MRPS7: variants seen among roughly 807,000 people sequenced by gnomAD.
The protein encoded by MRPS7 is small ribosomal subunit protein uS7m.
MRPS7 carries 13 observed loss-of-function variants against 26.2 expected under a neutral mutation model. That is an observed-to-expected ratio of 0.50 (90% CI 0.32 to 0.79). MRPS7 has a LOEUF of 0.79. Among genes scored for constraint, MRPS7 ranks in the 30% least tolerant of loss-of-function variants. The probability of loss-of-function intolerance (pLI) is 0.03; values close to 1 mark genes in which losing one functional copy is unlikely to be tolerated. For synonymous variants in MRPS7, 129 were observed against 113.3 expected (o/e 1.14, Z -0.88); for missense variants, 318 against 312.2 (o/e 1.02, Z -0.14).
rs1478310288 is a variant in MRPS7 at position 75,262,670 on chromosome 17, T to C, written c.257T>C (p.Phe86Ser). ...AAPAGKTSSVFEDPVISKFTN... is the reference protein window; with the variant it reads ...AAPAGKTSSVSEDPVISKFTN... ...CCAGCAGGGAAAACAAGTTCTGTGT[T>C]TGAAGACCCAGTCATCAGGTTAGAT... Residue 86 changes from phenylalanine (F) to serine (S), a missense_variant, in exon 2 of 5, where the codon TTT becomes TCT. Phe to Ser is a radical substitution (Grantham distance 155, BLOSUM62 -2). Coordinates refer to ENST00000245539, the MANE Select transcript of MRPS7 (RefSeq NM_015971.4). The C allele has an allele frequency of 6.2e-7, 1 of 1,614,180 alleles. No individual in the cohort carries two copies. Among genetic ancestry groups the C allele is most frequent in the South Asian group, 1.1e-5 (1 of 91,082 alleles).
At chr17:75,264,477 A>G (rs2077455687) in intron 4 of MRPS7, 1 of 152,032 alleles carries the variant, frequency 6.6e-6, no homozygotes, top group South Asian at 2.1e-4. Context: ...GCATTTAATT[A>G]TATTTTATTG....
At position 75,263,406 on chromosome 17, in the gene MRPS7, A is replaced by G; in HGVS notation, c.406A>G (p.Thr136Ala). The stretch of plus-strand genomic sequence containing the variant: ...TGCCGCTTCTGCAGAGGAACAGGCA[A>G]CCATCGAACGCAACCCCTACACCAT... ...YHAASAEEQA[T>A]IERNPYTIFH... The change falls in exon 4 of 5, where the codon ACC (threonine) becomes GCC (alanine). Residue 136 changes from threonine (T) to alanine (A), a missense_variant. Physicochemically the swap from Thr to Ala is moderately conservative, Grantham distance 58 (BLOSUM62 0). Transcript: ENST00000245539. The G allele has an allele frequency of 6.2e-7, 1 of 1,614,128 alleles. No individual in the cohort carries two copies. The highest frequency in any genetic ancestry group is 2.2e-5 in the East Asian group (1 of 44,876).
At chr17:75,262,161 T>C (rs2077411193) in intron 1 of MRPS7, 178 bp downstream of exon 1, 1 of 758,772 alleles carries the variant, frequency 1.3e-6, no homozygotes, top group East Asian at 2.7e-5. Flanking sequence ...ACCTCTCGCC[T>C]AAGGAGTCTG....
In MRPS7 at chr17:75,265,966, T is replaced by G. The variant is rs1408159494; in HGVS notation, c.*43T>G. 6.4e-7 allele frequency: 1 copy of G among 1,571,570 alleles called. No individual in the cohort carries two copies. Among genetic ancestry groups the G allele is most frequent in the Non-Finnish European group, 8.7e-7 (1 of 1,146,398 alleles). ...CAGGGCCCTCTGCCGCAAGAAACAG[T>G]GTGAGCTACTGCCACGCTGAAAACT... On this transcript the variant is annotated 3_prime_UTR_variant, in exon 5 of 5. Coordinates refer to ENST00000245539, the MANE Select transcript of MRPS7 (RefSeq NM_015971.4).
intron 4 of MRPS7, chr17:75,264,379 C>T (rs894814091): frequency 6.6e-6 from 1 of 152,148 alleles, no homozygotes; most frequent in African/African-American, 2.4e-5. Context: ...CATATCCTGT[C>T]TTTGTATGCC....
At chr17:75,262,098 C>A in intron 1 of MRPS7, 115 bp downstream of exon 1, 4 of 1,273,252 alleles carry the variant, frequency 3.1e-6, no homozygotes, top group Non-Finnish European at 3.3e-6. Flanking sequence ...TATCTGGATT[C>A]AAGCTTCTAA....
At chr17:75,262,435 A>T (rs536041616) in intron 1 of MRPS7, 62 bp from the exon 2 acceptor site, 3 of 1,562,750 alleles carry the variant, frequency 1.9e-6, no homozygotes, top group Non-Finnish European at 2.6e-6. Context: ...CCTATTGTTA[A>T]GTCAAACCTA....
At chr17:75,263,556 A>C in intron 4 of MRPS7, 49 bp downstream of exon 4, 1 of 1,609,170 alleles carries the variant, frequency 6.2e-7, no homozygotes, top group South Asian at 1.1e-5. Flanking sequence ...CATGTGAAAC[A>C]AGATAGGTGG....
At position 75,266,105 on chromosome 17, in the gene MRPS7, C is replaced by T; in HGVS notation, c.*182C>T. 1.6e-6 allele frequency: 1 copy of T among 614,462 alleles called. No individual in the cohort carries two copies. The highest frequency in any genetic ancestry group is 2.8e-5 in the East Asian group (1 of 35,962). 38.1% of individuals were successfully genotyped at this position (614,462 alleles called of 1,614,324 possible). ...TCTTTCTTTGAGGCTGGAACTTGCT[C>T]TCTCTGCCCCTATTTCCTTGTAAAG... On this transcript the variant is annotated 3_prime_UTR_variant, in exon 5 of 5. Transcript: ENST00000245539.
rs758607077 is a variant in MRPS7 at position 75,262,399 on chromosome 17, C to A, written c.84-98C>A. The A allele has an allele frequency of 4.4e-6, 6 of 1,373,508 alleles. No individual in the cohort carries two copies. In the East Asian group the frequency reaches 1.4e-4, roughly 32 times the overall value. 85.1% of individuals were successfully genotyped at this position (1,373,508 alleles called of 1,614,324 possible). On this transcript the variant is annotated intron_variant, in intron 1 of 4. Transcript: ENST00000245539. Reference sequence around the variant, plus strand: ...TAGCTCGCGGTCTCCGCGCCGCTCCCCCTCGTCGGCGCGTTGGCAGTCATG... The same window carrying A: ...TAGCTCGCGGTCTCCGCGCCGCTCCACCTCGTCGGCGCGTTGGCAGTCATG...
In MRPS7 at chr17:75,265,894, C is replaced by T. The variant is rs755150022; in HGVS notation, c.700C>T (p.Arg234Cys). The change falls in exon 5 of 5, where the codon CGT (arginine) becomes TGT (cysteine). Residue 234 changes from arginine to cysteine, a missense_variant. Physicochemically the swap from Arg to Cys is radical, Grantham distance 180. Coordinates refer to ENST00000245539, the MANE Select transcript of MRPS7 (RefSeq NM_015971.4). ...HDLHKMAEAN[R>C]ALAHYRWW Reference sequence around the variant, plus strand: ...CTTGCACAAGATGGCAGAGGCCAACCGTGCCCTGGCCCACTACCGCTGGTG... The same window carrying T: ...CTTGCACAAGATGGCAGAGGCCAACTGTGCCCTGGCCCACTACCGCTGGTG... 3.1e-6 allele frequency: 5 copies of T among 1,613,882 alleles called. No individual in the cohort carries two copies. The highest frequency in any genetic ancestry group is 1.3e-5 in the African/African-American group (1 of 75,068).
Position 75,266,239 on chromosome 17 carries a change from GA to G in MRPS7, c.*320del, listed in dbSNP as rs1284819247. The G allele has an allele frequency of 2.7e-5, 11 of 414,428 alleles. No homozygotes were observed. Among genetic ancestry groups the G allele is most frequent in the Non-Finnish European group, 4.4e-5 (10 of 226,456 alleles). 25.7% of individuals were successfully genotyped at this position (414,428 alleles called of 1,614,324 possible). A position where few individuals can be genotyped will look rare whatever the true frequency, so the allele number is the denominator to read the frequency against. On this transcript the variant is annotated 3_prime_UTR_variant, in exon 5 of 5. Transcript: ENST00000245539. The stretch of plus-strand genomic sequence containing the variant: ...TATAAAGGAAGCAGTTTTAGTATCA[GA>G]AAAGATTTATTAGAAAATTCTCACG...
In MRPS7 at chr17:75,265,975, C is replaced by T; in HGVS notation, c.*52C>T. The T allele has an allele frequency of 6.5e-7, 1 of 1,548,148 alleles. No individual in the cohort carries two copies. Among genetic ancestry groups the T allele is most frequent in the Non-Finnish European group, 8.9e-7 (1 of 1,127,922 alleles). ...CTGCCGCAAGAAACAGTGTGAGCTACTGCCACGCTGAAAACTACCTGTGGG... is the reference window on the plus strand; with the variant it reads ...CTGCCGCAAGAAACAGTGTGAGCTATTGCCACGCTGAAAACTACCTGTGGG... On this transcript the variant is annotated 3_prime_UTR_variant, in exon 5 of 5. Coordinates refer to ENST00000245539, the MANE Select transcript of MRPS7 (RefSeq NM_015971.4).
At position 75,262,607 on chromosome 17, in the gene MRPS7, T is replaced by A. The variant is rs1191542007; in HGVS notation, c.194T>A (p.Val65Asp). The A allele has an allele frequency of 1.2e-6, 2 of 1,614,122 alleles. No individual in the cohort carries two copies. Among genetic ancestry groups the A allele is most frequent in the East Asian group, 4.5e-5 (2 of 44,886 alleles). ...GAGCTAACTGAGGAGGAGAAATATG[T>A]TCGGGAGCTCAAGAAGACTCAGCTC... The part of the protein sequence containing the change: ...VEELTEEEKY[V>D]RELKKTQLIK... Residue 65 changes from valine to aspartate, a missense_variant, in exon 2 of 5, where the codon GTT (valine) becomes GAT (aspartate). By Grantham distance (152) the Val-to-Asp change is radical (BLOSUM62 -3). Coordinates refer to ENST00000245539, the MANE Select transcript of MRPS7 (RefSeq NM_015971.4).
chr17:75,262,016 C>T, intron 1 of MRPS7, 33 bp downstream of exon 1: 1 of 1,599,438 alleles, frequency 6.3e-7, no homozygotes, highest in Non-Finnish European at 8.5e-7. Context: ...CGGGGGGGCG[C>T]TGCGAGGAAG....
In MRPS7 at chr17:75,266,017, T is replaced by C; in HGVS notation, c.*94T>C. ...ACCTGTGGGTTAAGGATGTAGTTCC[T>C]TTGTAAGGGTGGGCAGGCCTCGTAA... On this transcript the variant is annotated 3_prime_UTR_variant, in exon 5 of 5. Coordinates refer to ENST00000245539, the MANE Select transcript of MRPS7 (RefSeq NM_015971.4). 8.6e-7 allele frequency: 1 copy of C among 1,169,500 alleles called. No individual in the cohort carries two copies. Among genetic ancestry groups the C allele is most frequent in the Non-Finnish European group, 1.2e-6 (1 of 810,800 alleles). The allele number at this position is 1,169,500 out of a possible 1,614,324, so 72.4% of individuals were successfully genotyped here. A position where few individuals can be genotyped will look rare whatever the true frequency, so the allele number is the denominator to read the frequency against.
intron 3 of MRPS7, 182 bp from the exon 4 acceptor site, chr17:75,263,158 C>T (rs910168682): frequency 1.4e-6 from 1 of 711,948 alleles, no homozygotes; most frequent in African/African-American, 1.8e-5. Flanking sequence ...TCTCAATCCA[C>T]TCTTTCTGTC....
At chr17:75,263,154 T>G in intron 3 of MRPS7, 186 bp from the exon 4 acceptor site, 1 of 533,846 alleles carries the variant, frequency 1.9e-6, no homozygotes, top group Non-Finnish European at 3.2e-6. Flanking sequence ...CAAATCTCAA[T>G]CCACTCTTTC....
At chr17:75,262,015 G>A in intron 1 of MRPS7, 32 bp downstream of exon 1, 1 of 1,599,356 alleles carries the variant, frequency 6.3e-7, no homozygotes, top group Non-Finnish European at 8.5e-7. Flanking sequence ...GCGGGGGGGC[G>A]CTGCGAGGAA....
Sources: allele counts gnomAD v4.1 joint callset, GRCh38; gene constraint gnomAD v4.1.1; transcripts MANE v1.5; gene names NCBI Gene and HGNC (gene_info 2026-07-23, HGNC 2026-07-21).